Variants in AKT3 observed in about 807,000 individuals in gnomAD.
AKT3 encodes the protein AKT serine/threonine kinase 3.
Under a neutral mutation model 65.3 loss-of-function variants are expected in AKT3, and 15 were observed. That is an observed-to-expected ratio of 0.23 (90% CI 0.15 to 0.35). The LOEUF (loss-of-function observed/expected upper bound fraction) is 0.35. Among genes scored for constraint, AKT3 ranks in the 10% least tolerant of loss-of-function variants. The probability of loss-of-function intolerance (pLI) is 1.00; values close to 1 mark genes in which losing one functional copy is unlikely to be tolerated. For missense variants in AKT3, 243 were observed against 576.5 expected (o/e 0.42, Z 5.92); for synonymous variants, 206 against 183.8 (o/e 1.12, Z -0.98).
intron 4 of AKT3, among the ~76,000 whole-genome samples, chr1:243,657,332 G>A (rs1332268198): frequency 6.6e-6 from 1 of 152,120 alleles, no homozygotes; most frequent in Non-Finnish European, 1.5e-5. Flanking sequence ...TTGTTTATAA[G>A]CTACTCAGTT....
At chr1:243,804,451 T>G (rs1692591476) in intron 2 of AKT3, among the ~76,000 whole-genome samples, 2 of 152,224 alleles carry the variant, frequency 1.3e-5, no homozygotes, top group Admixed American at 1.3e-4. Flanking sequence ...TATATACACA[T>G]TGTAGAATAG....
intron 2 of AKT3, among the ~76,000 whole-genome samples, chr1:243,803,910 T>G (rs1692548481): frequency 6.6e-6 from 1 of 152,266 alleles, no homozygotes; most frequent in South Asian, 2.1e-4. Context: ...ATATAACTGG[T>G]GAGAAGGAGT....
chr1:243,816,219 T>G (rs566942123), intron 2 of AKT3, among the ~76,000 whole-genome samples: 5 of 152,308 alleles, frequency 3.3e-5, no homozygotes, highest in South Asian at 2.1e-4. Flanking sequence ...GTCAAGATGG[T>G]GTTTTTCTAG....
At chr1:243,766,882 T>G (rs1481369214) in intron 2 of AKT3, among the ~76,000 whole-genome samples, 2 of 152,150 alleles carry the variant, frequency 1.3e-5, no homozygotes, top group Non-Finnish European at 2.9e-5. Context: ...GTCTGGTGAT[T>G]TGTCAGTAGA....
At chr1:243,686,076 C>T (rs181501117) in intron 3 of AKT3, among the ~76,000 whole-genome samples, 8 of 152,060 alleles carry the variant, frequency 5.3e-5, no homozygotes, top group Non-Finnish European at 8.8e-5. Flanking sequence ...TCACGGAAGG[C>T]TACAAACCAC....
chr1:243,831,096 T>A (rs528905187), intron 2 of AKT3, among the ~76,000 whole-genome samples: 5 of 152,334 alleles, frequency 3.3e-5, no homozygotes, highest in African/African-American at 1.2e-4. Context: ...CTTGCCCTAA[T>A]ATCTGTGACA....
intron 12 of AKT3, among the ~76,000 whole-genome samples, chr1:243,522,709 C>G (rs1233940412): frequency 6.6e-6 from 1 of 152,012 alleles, no homozygotes; most frequent in East Asian, 1.9e-4. Context: ...GGACCTGTTT[C>G]AATAGATACA....
intron 12 of AKT3, among the ~76,000 whole-genome samples, chr1:243,531,497 A>G (rs531491640): frequency 6.6e-6 from 1 of 152,254 alleles, no homozygotes; most frequent in East Asian, 1.9e-4. Flanking sequence ...TCCCATATAT[A>G]TATTTTGTCA....
At chr1:243,666,167 C>T (rs1001926024) in intron 3 of AKT3, among the ~76,000 whole-genome samples, 2 of 152,044 alleles carry the variant, frequency 1.3e-5, no homozygotes, top group Non-Finnish European at 2.9e-5. Flanking sequence ...CCATGCCCAG[C>T]TTATTTTTCT....
intron 4 of AKT3, among the ~76,000 whole-genome samples, chr1:243,652,428 G>A (rs1247598859): frequency 1.3e-5 from 2 of 151,986 alleles, no homozygotes; most frequent in African/African-American, 4.8e-5. Flanking sequence ...AATGCTGAGA[G>A]GTTTTGTCAC....
intron 11 of AKT3, 102 bp from the exon 12 acceptor site, chr1:243,545,699 C>G: frequency 2.5e-6 from 2 of 805,116 alleles, no homozygotes; most frequent in Non-Finnish European, 4.0e-6. Flanking sequence ...GTGTAATAAA[C>G]AGTTCTTGGG....
intron 2 of AKT3, among the ~76,000 whole-genome samples, chr1:243,752,562 C>A (rs1681261410): frequency 6.6e-6 from 1 of 152,206 alleles, no homozygotes; most frequent in African/African-American, 2.4e-5. Context: ...AAAACAACCT[C>A]ATTTCAATTA....
chr1:243,766,899 C>A (rs1689863618), intron 2 of AKT3, among the ~76,000 whole-genome samples: 1 of 151,958 alleles, frequency 6.6e-6, no homozygotes, highest in African/African-American at 2.4e-5. Context: ...TAGAGGAAAG[C>A]TGAAAGGAAA....
At chr1:243,828,435 G>C (rs1000207285) in intron 2 of AKT3, among the ~76,000 whole-genome samples, 43 of 152,008 alleles carry the variant, frequency 2.8e-4, no homozygotes, top group African/African-American at 9.9e-4. Flanking sequence ...GACATATATA[G>C]GTACAGCTGA....
At chr1:243,558,003 C>T (rs185207681) in intron 10 of AKT3, among the ~76,000 whole-genome samples, 133 of 152,156 alleles carry the variant, frequency 8.7e-4, no homozygotes, top group African/African-American at 3.0e-3. Flanking sequence ...AATGTAACTA[C>T]ATGTGCTACT....
chr1:243,602,931 A>C (rs968923784), intron 8 of AKT3, among the ~76,000 whole-genome samples: 3 of 152,196 alleles, frequency 2.0e-5, no homozygotes, highest in Non-Finnish European at 4.4e-5. Flanking sequence ...GAGGTCCAAC[A>C]AATAAGCCTG....
chr1:243,730,321 C>G (rs1687472320), intron 2 of AKT3, among the ~76,000 whole-genome samples: 2 of 152,218 alleles, frequency 1.3e-5, no homozygotes, highest in Non-Finnish European at 2.9e-5. Flanking sequence ...TGTTCTGCTA[C>G]TCAGTAAAAC....
chr1:243,595,007 T>C (rs1387850477), intron 8 of AKT3, among the ~76,000 whole-genome samples: 1 of 152,170 alleles, frequency 6.6e-6, no homozygotes. Context: ...ATACATGTAA[T>C]AGGTACAACT....
Position 243,520,140 on chromosome 1 carries a change from G to A in AKT3, c.1252-7714C>T, listed in dbSNP as rs950373765. ...GTACCTCAGAATGTGACTCTATTTG[G>A]AGATAAGGTCTTTAAAAAAGTAACT... is the stretch of plus-strand genomic sequence containing the variant. On this transcript the variant is annotated intron_variant, in intron 12 of 13. Transcript: ENST00000673466. Among the ~76,000 whole-genome samples the A allele has an allele frequency of 2.6e-5, 4 of 152,134 alleles. No individual in the cohort carries two copies. The East Asian group carries it at 5.8e-4, about 22-fold the overall frequency.
Sources: allele counts gnomAD v4.1 joint callset (sites outside exome capture counted in the v4.1 genomes callset), GRCh38; gene constraint gnomAD v4.1.1; transcripts MANE v1.5; gene names NCBI Gene and HGNC (gene_info 2026-07-23, HGNC 2026-07-21).